Variants in CADM1 observed in about 807,000 individuals in gnomAD.
The protein encoded by CADM1 is cell adhesion molecule 1, also known as TSLC-1.
CADM1 carries 15 observed loss-of-function variants against 53.1 expected under a neutral mutation model. The observed-to-expected ratio is 0.28, with a 90% CI of 0.19 to 0.44. The LOEUF is 0.44. Among genes scored for constraint, CADM1 ranks in the 20% least tolerant of loss-of-function variants. The pLI, the probability that CADM1 is intolerant of heterozygous loss-of-function variation, is 1.00. For missense variants in CADM1, 434 were observed against 611.3 expected, an observed-to-expected ratio of 0.71 and a Z score of 3.06; for synonymous variants, 281 against 243.0, an observed-to-expected ratio of 1.16 and a Z score of -1.45.
At chr11:115,393,513 T>C (rs2135189711) in intron 1 of CADM1, among the ~76,000 whole-genome samples, 1 of 150,718 alleles carries the variant, frequency 6.6e-6, no homozygotes, top group South Asian at 2.1e-4. Context: ...AATGAAGTCT[T>C]AGTAAATAAA....
intron 1 of CADM1, among the ~76,000 whole-genome samples, chr11:115,406,397 C>G (rs1039526497): frequency 6.6e-6 from 1 of 151,234 alleles, no homozygotes; most frequent in African/African-American, 2.4e-5. Context: ...ATTTAAGATG[C>G]CTTTACTGAA....
At chr11:115,351,566 C>T (rs768016515) in intron 1 of CADM1, among the ~76,000 whole-genome samples, 7 of 152,174 alleles carry the variant, frequency 4.6e-5, no homozygotes, top group Non-Finnish European at 8.8e-5. Context: ...AGATTCTCCC[C>T]TATAAGACCT....
intron 1 of CADM1, among the ~76,000 whole-genome samples, chr11:115,443,823 CATGAAG>C (rs1396119357): frequency 6.6e-6 from 1 of 152,154 alleles, no homozygotes; most frequent in African/African-American, 2.4e-5. Context: ...TACTGGGGAA[CATGAAG>C]ATGAAGTCCG....
At chr11:115,191,917 T>C (rs923051118) in intron 9 of CADM1, among the ~76,000 whole-genome samples, 5 of 152,238 alleles carry the variant, frequency 3.3e-5, no homozygotes, top group African/African-American at 9.6e-5. Context: ...AAGATGTCTG[T>C]AGACCTAATA....
intron 1 of CADM1, among the ~76,000 whole-genome samples, chr11:115,432,903 C>T (rs945853534): frequency 3.9e-5 from 6 of 152,312 alleles, no homozygotes; most frequent in Admixed American, 1.3e-4. Flanking sequence ...GTTTTCCTCT[C>T]GGATTCACAG....
chr11:115,196,595 TAAAAAAAAAAAAAAA>T (rs61694033), intron 9 of CADM1, among the ~76,000 whole-genome samples: 2 of 76,894 alleles, frequency 2.6e-5, no homozygotes, highest in African/African-American at 1.0e-4. Flanking sequence ...GCTGATGAAC[TAAAAAAAAAAAAAAA>T]AAAAAAAAAA....
chr11:115,205,881 C>T (rs995105025), intron 8 of CADM1, among the ~76,000 whole-genome samples: 4 of 152,152 alleles, frequency 2.6e-5, no homozygotes, highest in Non-Finnish European at 4.4e-5. Flanking sequence ...TTTAAAGCCA[C>T]AACAAGTTGA....
intron 1 of CADM1, among the ~76,000 whole-genome samples, chr11:115,260,690 TCAGACGGGG>T (rs1308690169): frequency 2.6e-5 from 4 of 152,026 alleles, no homozygotes; most frequent in Non-Finnish European, 5.9e-5. Flanking sequence ...TTTATTTTTT[TCAGACGGGG>T]TCTCGCTCTG....
chr11:115,428,857 C>T (rs1159590214), intron 1 of CADM1, among the ~76,000 whole-genome samples: 3 of 151,964 alleles, frequency 2.0e-5, no homozygotes, highest in Admixed American at 1.3e-4. Context: ...TATAAAACAT[C>T]GTACTATGTT....
At chr11:115,177,481 C>T (rs1435881611) in intron 11 of CADM1, among the ~76,000 whole-genome samples, 1 of 152,106 alleles carries the variant, frequency 6.6e-6, no homozygotes, top group Non-Finnish European at 1.5e-5. Flanking sequence ...GAAGAGTCTT[C>T]TATTTAAAAA....
intron 1 of CADM1, among the ~76,000 whole-genome samples, chr11:115,439,579 T>C (rs1436358297): frequency 1.3e-5 from 2 of 152,202 alleles, no homozygotes; most frequent in Admixed American, 6.5e-5. Context: ...ATTACTTAAC[T>C]AATGTTTTGC....
At chr11:115,178,237 A>T (rs11215398) in intron 11 of CADM1, among the ~76,000 whole-genome samples, 1 of 152,278 alleles carries the variant, frequency 6.6e-6, no homozygotes, top group East Asian at 1.9e-4. Flanking sequence ...GACAGGGGAT[A>T]GGGGGAAATC....
chr11:115,347,320 T>A lies in CADM1; in HGVS notation c.125-106900A>T, dbSNP rs925174840. Among the ~76,000 whole-genome samples, 6 of 152,244 alleles carry A rather than the reference T, an allele frequency of 3.9e-5. No individual in the cohort carries two copies. The East Asian group carries it at 1.2e-3, about 29-fold the overall frequency. ...CATTATACTCACCCATTCAATAACTTAATGAGACTGACATAAAGCTGAGAG... is the reference window on the plus strand; with the variant it reads ...CATTATACTCACCCATTCAATAACTAAATGAGACTGACATAAAGCTGAGAG... On this transcript the variant is annotated intron_variant, in intron 1 of 11. Transcript: ENST00000331581.
chr11:115,410,648 TA>T (rs34869817), intron 1 of CADM1, among the ~76,000 whole-genome samples: 1 of 152,026 alleles, frequency 6.6e-6, no homozygotes, highest in Non-Finnish European at 1.5e-5. Context: ...CTTCGATGTT[TA>T]AAAAAAGGGA....
intron 1 of CADM1, among the ~76,000 whole-genome samples, chr11:115,249,444 T>A (rs1942518539): frequency 6.6e-6 from 1 of 152,252 alleles, no homozygotes; most frequent in Non-Finnish European, 1.5e-5. Context: ...GTGTTGTTGG[T>A]CACAGGCCCC....
intron 7 of CADM1, among the ~76,000 whole-genome samples, 164 bp from the exon 8 acceptor site, chr11:115,209,821 C>T (rs1940869760): frequency 6.6e-6 from 1 of 151,988 alleles, no homozygotes. Flanking sequence ...TAATTATATC[C>T]CAAAGCCTTA....
chr11:115,357,008 T>C (rs1945890677), intron 1 of CADM1, among the ~76,000 whole-genome samples: 1 of 152,246 alleles, frequency 6.6e-6, no homozygotes, highest in South Asian at 2.1e-4. Context: ...GGAATTTTAA[T>C]ACTGGCTTAC....
chr11:115,185,400 T>C (rs1378823713), intron 10 of CADM1, among the ~76,000 whole-genome samples: 1 of 152,238 alleles, frequency 6.6e-6, no homozygotes, highest in African/African-American at 2.4e-5. Context: ...ATGGCTTAGC[T>C]GTCCTTTATG....
At chr11:115,368,210 C>G (rs1334963341) in intron 1 of CADM1, among the ~76,000 whole-genome samples, 5 of 138,956 alleles carry the variant, frequency 3.6e-5, no homozygotes, top group Non-Finnish European at 7.6e-5. Context: ...TCAGGTGTGG[C>G]ACGGTTACCA....
Sources: allele counts gnomAD v4.1 joint callset (sites outside exome capture counted in the v4.1 genomes callset), GRCh38; gene constraint gnomAD v4.1.1; transcripts MANE v1.5; gene names NCBI Gene and HGNC (gene_info 2026-07-23, HGNC 2026-07-21).